SDK1: variants seen among roughly 807,000 people sequenced by gnomAD.
SDK1 encodes the protein sidekick cell adhesion molecule 1.
A neutral mutation model predicts 245.5 loss-of-function variants in SDK1; 157 were observed. The observed-to-expected ratio is 0.64, with a 90% CI of 0.56 to 0.73. SDK1 has a LOEUF of 0.73. Among genes scored for constraint, SDK1 ranks in the 30% least tolerant of loss-of-function variants. The pLI is 0.00. For missense variants in SDK1, 3,583 were observed against 3,002.3 expected (o/e 1.19, Z -4.52); for synonymous variants, 1,647 against 1,278.5 (o/e 1.29, Z -6.15).
Position 4,266,072 on chromosome 7 carries a change from TC to T in SDK1, c.*693del. On this transcript the variant is annotated 3_prime_UTR_variant, in exon 45 of 45. Coordinates refer to ENST00000404826, the MANE Select transcript of SDK1 (RefSeq NM_152744.4). Reference sequence around the variant, plus strand: ...GTCCTCAGGCTTTTCTGCCTGTCTTTCCCCCTTCCTTCTCACCTGACAGCGA... The same window carrying T: ...GTCCTCAGGCTTTTCTGCCTGTCTTTCCCCTTCCTTCTCACCTGACAGCGA... 1.0e-6 allele frequency: 1 copy of T among 985,408 alleles called. No homozygotes were observed. Among genetic ancestry groups the T allele is most frequent in the Non-Finnish European group, 1.2e-6 (1 of 829,972 alleles). The allele number at this position is 985,408 out of a possible 1,614,324, so 61.0% of individuals were successfully genotyped here. A position where few individuals can be genotyped will look rare whatever the true frequency, so the allele number is the denominator to read the frequency against.
intron 1 of SDK1, among the ~76,000 whole-genome samples, chr7:3,371,533 C>T (rs1201343830): frequency 6.6e-6 from 1 of 151,998 alleles, no homozygotes; most frequent in Non-Finnish European, 1.5e-5. Flanking sequence ...AAAACAGAAA[C>T]ATACAAACAA....
Position 3,969,409 on chromosome 7 carries a change from A to G in SDK1, c.1699A>G (p.Thr567Ala). The G allele has an allele frequency of 6.2e-7, 1 of 1,600,232 alleles. No individual in the cohort carries two copies. Among genetic ancestry groups the G allele is most frequent in the Non-Finnish European group, 8.5e-7 (1 of 1,173,130 alleles). Residue 567 changes from threonine to alanine, a missense_variant, in exon 11 of 45, where the codon ACG becomes GCG. Transcript: ENST00000404826. Reference sequence around the variant, plus strand: ...AGAGGGCTCCCTGAATGCATCGGCCACGCTCACTGTGTGGAGTAAGGAGCA... The same window carrying G: ...AGAGGGCTCCCTGAATGCATCGGCCGCGCTCACTGTGTGGAGTAAGGAGCA... ...NTEGSLNASATLTVWNRTSIV... is the reference protein window; with the variant it reads ...NTEGSLNASAALTVWNRTSIV...
chr7:3,567,392 C>T (rs1231581448), intron 1 of SDK1, among the ~76,000 whole-genome samples: 1 of 152,082 alleles, frequency 6.6e-6, no homozygotes, highest in Non-Finnish European at 1.5e-5. Flanking sequence ...TTCCTAGAAG[C>T]CGAAGCACTG....
chr7:3,302,828 C>T (rs1028295919), intron 1 of SDK1, among the ~76,000 whole-genome samples: 1 of 152,140 alleles, frequency 6.6e-6, no homozygotes, highest in Non-Finnish European at 1.5e-5. Flanking sequence ...CAAGATACAG[C>T]TAACGAACAA....
At chr7:4,201,075 T>C (rs967283085) in intron 35 of SDK1, among the ~76,000 whole-genome samples, 9 of 152,198 alleles carry the variant, frequency 5.9e-5, no homozygotes, top group Non-Finnish European at 1.0e-4. Flanking sequence ...ATGTCCTTTG[T>C]TCCTAGGGCT....
intron 2 of SDK1, among the ~76,000 whole-genome samples, chr7:3,632,340 A>G (rs769933598): frequency 6.6e-6 from 1 of 152,238 alleles, no homozygotes; most frequent in Non-Finnish European, 1.5e-5. Flanking sequence ...ATAAACGGGA[A>G]TCCCAGAGGA....
intron 1 of SDK1, among the ~76,000 whole-genome samples, chr7:3,554,174 G>C (rs974283834): frequency 6.6e-6 from 1 of 152,140 alleles, no homozygotes; most frequent in African/African-American, 2.4e-5. Flanking sequence ...CAAAGAATTC[G>C]TGGGACATTC....
chr7:3,688,892 G>A (rs930649324), intron 4 of SDK1, among the ~76,000 whole-genome samples: 1 of 152,146 alleles, frequency 6.6e-6, no homozygotes, highest in African/African-American at 2.4e-5. Context: ...GTTCAGAACA[G>A]CACTGTGAGC....
intron 1 of SDK1, among the ~76,000 whole-genome samples, chr7:3,417,445 TTC>T (rs1444687647): frequency 6.6e-6 from 1 of 152,048 alleles, no homozygotes; most frequent in Admixed American, 6.5e-5. Flanking sequence ...TCTGCTAACT[TTC>T]TCTTTTTTTT....
intron 32 of SDK1, among the ~76,000 whole-genome samples, chr7:4,168,631 CTG>C (rs1364465042): frequency 2.0e-5 from 3 of 152,222 alleles, no homozygotes; most frequent in Non-Finnish European, 2.9e-5. Flanking sequence ...ATTGCACTCT[CTG>C]TAATCCTGTC....
chr7:3,469,757 C>A (rs575956455), intron 1 of SDK1, among the ~76,000 whole-genome samples: 3 of 152,112 alleles, frequency 2.0e-5, no homozygotes, highest in African/African-American at 7.2e-5. Context: ...TTAGTGAGGC[C>A]CCTTTGATCT....
At chr7:3,306,522 C>G (rs1199663052) in intron 1 of SDK1, among the ~76,000 whole-genome samples, 1 of 152,118 alleles carries the variant, frequency 6.6e-6, no homozygotes, top group Non-Finnish European at 1.5e-5. Flanking sequence ...AGGTACTGAT[C>G]TTTTATTAGT....
At chr7:3,837,684 T>A (rs1780056873) in intron 5 of SDK1, among the ~76,000 whole-genome samples, 1 of 152,226 alleles carries the variant, frequency 6.6e-6, no homozygotes, top group Non-Finnish European at 1.5e-5. Context: ...TAGGAGTTGC[T>A]GTGATGATGG....
At chr7:3,942,592 T>TTA (rs1554285627) in intron 5 of SDK1, among the ~76,000 whole-genome samples, 35 of 152,036 alleles carry the variant, frequency 2.3e-4, no homozygotes, top group Middle Eastern at 3.4e-3. Flanking sequence ...GTGTGTGTTT[T>TTA]AAAAAAATGT....
At chr7:3,439,302 C>G (rs1051392422) in intron 1 of SDK1, among the ~76,000 whole-genome samples, 54 of 152,282 alleles carry the variant, frequency 3.5e-4, no homozygotes, top group African/African-American at 1.1e-3. Context: ...GTGTCGCTTT[C>G]TTGCTTAAAA....
intron 19 of SDK1, among the ~76,000 whole-genome samples, chr7:4,062,930 A>T (rs1314317222): frequency 6.6e-6 from 1 of 152,232 alleles, no homozygotes; most frequent in Non-Finnish European, 1.5e-5. Context: ...AACTCTCAAC[A>T]AACTAGGCAT....
chr7:3,511,217 C>G (rs910946610), intron 1 of SDK1, among the ~76,000 whole-genome samples: 2 of 152,202 alleles, frequency 1.3e-5, no homozygotes, highest in Non-Finnish European at 2.9e-5. Context: ...TTCATATTTT[C>G]CTTCTTGGGT....
intron 4 of SDK1, among the ~76,000 whole-genome samples, chr7:3,661,555 G>A (rs535603916): frequency 6.6e-6 from 1 of 152,186 alleles, no homozygotes; most frequent in South Asian, 2.1e-4. Flanking sequence ...GATGAAATAA[G>A]GAATTGTGGC....
At chr7:3,680,720 A>G (rs142495669) in intron 4 of SDK1, among the ~76,000 whole-genome samples, 1 of 152,284 alleles carries the variant, frequency 6.6e-6, no homozygotes, top group East Asian at 1.9e-4. Flanking sequence ...AAGAAATGGA[A>G]CCTGTGGCAT....
Sources: gnomAD v4.1 joint callset for allele counts (sites outside exome capture counted in the v4.1 genomes callset) on GRCh38, gnomAD v4.1.1 for gene constraint, MANE v1.5 for transcripts, NCBI Gene and HGNC (gene_info 2026-07-23, HGNC 2026-07-21) for gene names.